CACNG5: variants seen among roughly 807,000 people sequenced by gnomAD.
CACNG5 encodes the protein calcium voltage-gated channel auxiliary subunit gamma 5.
Under a neutral mutation model 24.8 loss-of-function variants are expected in CACNG5, and 18 were observed. The ratio of observed to expected loss-of-function variants is 0.73; its 90% CI spans 0.50 to 1.08. CACNG5 has a LOEUF of 1.08. Among genes scored for constraint, CACNG5 ranks in the 50% least tolerant of loss-of-function variants. CACNG5 has a pLI of 0.00. For synonymous variants in CACNG5, 157 were observed against 149.1 expected (o/e 1.05, Z -0.39); for missense variants, 349 against 367.9 (o/e 0.95, Z 0.42).
chr17:66,835,428 G>A (rs937859665), intron 1 of CACNG5, among the ~76,000 whole-genome samples, 178 bp downstream of exon 1: 5 of 152,210 alleles, frequency 3.3e-5, no homozygotes, highest in Admixed American at 1.3e-4. Context: ...GTGTGGTGGG[G>A]AGCGCGGGCG....
chr17:66,859,446 G>A (rs560412703), intron 1 of CACNG5, among the ~76,000 whole-genome samples: 1 of 152,264 alleles, frequency 6.6e-6, no homozygotes, highest in Non-Finnish European at 1.5e-5. Context: ...AAATGTGCTG[G>A]AGGCAGGAAA....
intron 3 of CACNG5, among the ~76,000 whole-genome samples, chr17:66,880,336 G>A (rs960051226): frequency 2.0e-5 from 3 of 152,216 alleles, no homozygotes; most frequent in African/African-American, 7.2e-5. Context: ...GAAGATGCTG[G>A]CACTTGAAGT....
Position 66,886,380 on chromosome 17 carries a change from C to T in CACNG5, c.*1140C>T, listed in dbSNP as rs1977260897. On this transcript the variant is annotated 3_prime_UTR_variant, in exon 6 of 6. Transcript: ENST00000533854. ...GAGTGTCTGCTTCCTGGGTGTAGGA[C>T]AGATGTGGGCAAATCAGATTTTTCC... is the stretch of plus-strand genomic sequence containing the variant. 1.3e-5 allele frequency among the ~76,000 whole-genome samples: 2 copies of T among 152,114 alleles called. No individual in the cohort carries two copies. Among genetic ancestry groups the T allele is most frequent in the Non-Finnish European group, 2.9e-5 (2 of 68,022 alleles).
chr17:66,868,307 G>T (rs1287227545), intron 1 of CACNG5, among the ~76,000 whole-genome samples: 2 of 152,210 alleles, frequency 1.3e-5, no homozygotes, highest in Admixed American at 1.3e-4. Flanking sequence ...TGTGGCAGGG[G>T]TGTGCCAGAG....
intron 1 of CACNG5, among the ~76,000 whole-genome samples, chr17:66,845,571 G>A (rs1278332419): frequency 6.6e-6 from 1 of 152,066 alleles, no homozygotes; most frequent in Non-Finnish European, 1.5e-5. Flanking sequence ...CCAATTAGGG[G>A]TCCTTGTCTG....
At chr17:66,877,611 A>G (rs1568071650) in intron 2 of CACNG5, 83 bp downstream of exon 2, 1 of 1,194,642 alleles carries the variant, frequency 8.4e-7, no homozygotes, top group East Asian at 2.4e-5. Context: ...GAGATGGCCA[A>G]GAGATGCTGG....
intron 1 of CACNG5, among the ~76,000 whole-genome samples, chr17:66,843,651 G>C (rs908407483): frequency 2.0e-5 from 3 of 152,100 alleles, no homozygotes; most frequent in Admixed American, 6.6e-5. Flanking sequence ...GATGCTGCAG[G>C]GGGGTGGTCC....
rs1482772987 is a variant in CACNG5 at position 66,886,769 on chromosome 17, C to G, written c.*1529C>G. On this transcript the variant is annotated 3_prime_UTR_variant, in exon 6 of 6. Transcript: ENST00000533854. ...GGCTGCCGCAATGAACTACCACAGA[C>G]TGAGTGGCTTAAATAACGCACATGA... is the stretch of plus-strand genomic sequence containing the variant. 6.6e-6 allele frequency among the ~76,000 whole-genome samples: 1 copy of G among 152,212 alleles called. No individual in the cohort carries two copies. The highest frequency in any genetic ancestry group is 1.5e-5 in the Non-Finnish European group (1 of 68,040).
chr17:66,885,130 G>A lies in CACNG5; in HGVS notation c.718G>A (p.Gly240Ser). The change falls in exon 6 of 6, where the codon GGC becomes AGC. Residue 240 changes from glycine (G) to serine (S), a missense_variant. Coordinates refer to ENST00000533854, the MANE Select transcript of CACNG5 (RefSeq NM_145811.3). ...QFLHPDAWVR[G>S]RSPSDISSEA... ...CCTACACCCAGACGCCTGGGTCAGG[G>A]GCCGCAGCCCCTCCGACATCTCCAG... The A allele has an allele frequency of 6.2e-7, 1 of 1,614,048 alleles. No homozygotes were observed. The highest frequency in any genetic ancestry group is 1.6e-4 in the Middle Eastern group (1 of 6,062).
At position 66,893,049 on chromosome 17, in the gene CACNG5, A is replaced by C. The variant is rs1485638195; in HGVS notation, c.*7809A>C. Among the ~76,000 whole-genome samples, 1 of 152,206 alleles carries C rather than the reference A, an allele frequency of 6.6e-6. No homozygotes were observed. Among genetic ancestry groups the C allele is most frequent in the East Asian group, 1.9e-4 (1 of 5,206 alleles). ...CCTTGGCACATAATAGGTATTTTGC[A>C]AGCATTATCTCATGTAACCCTTTCC... On this transcript the variant is annotated 3_prime_UTR_variant, in exon 6 of 6. Coordinates refer to ENST00000533854, the MANE Select transcript of CACNG5 (RefSeq NM_145811.3).
Position 66,894,269 on chromosome 17 carries a change from G to GGAAA in CACNG5, c.*9029_*9030insGAAA, listed in dbSNP as rs1977383893. Among the ~76,000 whole-genome samples the GGAAA allele has an allele frequency of 3.9e-5, 6 of 152,220 alleles. No individual in the cohort carries two copies. The South Asian group carries it at 1.2e-3, about 32-fold the overall frequency. ...TCTGTCACCCCCTTGGGAGGATCCT[G>GGAAA]CACATCCTTCCTCAGTGGATCCTTA... On this transcript the variant is annotated 3_prime_UTR_variant, in exon 6 of 6. Coordinates refer to ENST00000533854, the MANE Select transcript of CACNG5 (RefSeq NM_145811.3).
Position 66,890,632 on chromosome 17 carries a change from G to A in CACNG5, c.*5392G>A, listed in dbSNP as rs998152717. ...TGCCCCAGGTGGCCCCATCCTTGAA[G>A]GTTTGCATGCGTGGGCTCTCTGTCC... On this transcript the variant is annotated 3_prime_UTR_variant, in exon 6 of 6. Transcript: ENST00000533854. Among the ~76,000 whole-genome samples the A allele has an allele frequency of 6.6e-6, 1 of 152,236 alleles. No homozygotes were observed. Among genetic ancestry groups the A allele is most frequent in the Non-Finnish European group, 1.5e-5 (1 of 68,042 alleles).
At position 66,890,010 on chromosome 17, in the gene CACNG5, TG is replaced by T. The variant is rs1458416901; in HGVS notation, c.*4773del. Among the ~76,000 whole-genome samples the T allele has an allele frequency of 6.6e-6, 1 of 152,184 alleles. No homozygotes were observed. The highest frequency in any genetic ancestry group is 1.9e-4 in the East Asian group (1 of 5,184). ...GTTCCTTCACCAGCTGCCTGGATTT[TG>T]GGTATGAGGGCCAATTGGCAGCTCT... On this transcript the variant is annotated 3_prime_UTR_variant, in exon 6 of 6. Transcript: ENST00000533854.
intron 1 of CACNG5, among the ~76,000 whole-genome samples, chr17:66,837,830 A>T (rs958483218): frequency 6.6e-6 from 1 of 152,060 alleles, no homozygotes; most frequent in Non-Finnish European, 1.5e-5. Flanking sequence ...AGACAGGCCC[A>T]GCTGCTAAGC....
chr17:66,846,952 G>T (rs532757868), intron 1 of CACNG5, among the ~76,000 whole-genome samples: 1 of 152,178 alleles, frequency 6.6e-6, no homozygotes, highest in Non-Finnish European at 1.5e-5. Flanking sequence ...AAAACCTTTC[G>T]AAGTGTGGTT....
At position 66,869,998 on chromosome 17, in the gene CACNG5, G is replaced by A. The variant is rs560076143; in HGVS notation, c.-103-7232G>A. 9.2e-5 allele frequency among the ~76,000 whole-genome samples: 14 copies of A among 152,042 alleles called. No individual in the cohort carries two copies. In the South Asian group the frequency reaches 2.5e-3, roughly 27 times the overall value. ...CTTGGGAGGCTGAGGCAGGAGAATC[G>A]CTTGAACCCGGGAGGCGGAGGTTGC... On this transcript the variant is annotated intron_variant, in intron 1 of 5. Coordinates refer to ENST00000533854, the MANE Select transcript of CACNG5 (RefSeq NM_145811.3).
chr17:66,849,140 C>A (rs892144277), intron 1 of CACNG5, among the ~76,000 whole-genome samples: 3 of 152,176 alleles, frequency 2.0e-5, no homozygotes, highest in Admixed American at 6.5e-5. Context: ...TCTGCCTCTG[C>A]GGAGGGAAAT....
intron 1 of CACNG5, among the ~76,000 whole-genome samples, chr17:66,844,652 C>T (rs1010307723): frequency 2.0e-5 from 3 of 151,706 alleles, no homozygotes; most frequent in East Asian, 3.9e-4. Flanking sequence ...TCAGTGGTCT[C>T]GGCCCCACAG....
intron 1 of CACNG5, among the ~76,000 whole-genome samples, chr17:66,848,920 G>T (rs537858608): frequency 1.1e-3 from 169 of 152,262 alleles, no homozygotes; most frequent in African/African-American, 3.7e-3. Context: ...CGCTGAGAGG[G>T]GTGTCCTCCC....
Sources: allele counts gnomAD v4.1 joint callset (sites outside exome capture counted in the v4.1 genomes callset), GRCh38; gene constraint gnomAD v4.1.1; transcripts MANE v1.5; gene names NCBI Gene and HGNC (gene_info 2026-07-23, HGNC 2026-07-21).